Variants in MX1 observed in about 807,000 individuals in gnomAD.
MX1 encodes the protein interferon-induced GTP-binding protein Mx1.
A neutral mutation model predicts 66.4 loss-of-function variants in MX1; 66 were observed. The observed-to-expected ratio is 0.99, with a 90% CI of 0.82 to 1.22. The LOEUF (loss-of-function observed/expected upper bound fraction) is 1.22, where lower values mean the gene tolerates loss of function less well. Among genes scored for constraint, MX1 ranks in the 50% most tolerant of loss-of-function variants. The pLI, the probability that MX1 is intolerant of heterozygous loss-of-function variation, is 0.00. For missense variants in MX1, 787 were observed against 834.3 expected (o/e 0.94, Z 0.70); for synonymous variants, 311 against 318.1 (o/e 0.98, Z 0.24).
intron 7 of MX1, 127 bp downstream of exon 7, chr21:41,437,279 AC>A: frequency 2.1e-6 from 2 of 971,642 alleles, no homozygotes; most frequent in Non-Finnish European, 3.1e-6. Context: ...ACATCAGGCC[AC>A]GGTTCCTTCT....
At chr21:41,430,783 A>G (rs2090189592) in intron 4 of MX1, among the ~76,000 whole-genome samples, 175 bp downstream of exon 4, 1 of 152,210 alleles carries the variant, frequency 6.6e-6, no homozygotes, top group Non-Finnish European at 1.5e-5. Flanking sequence ...AATGCAGACA[A>G]GTATAAGGCA....
rs1403279828 is a variant in MX1 at position 41,458,876 on chromosome 21, A to C, written c.*118A>C. On this transcript the variant is annotated 3_prime_UTR_variant, in exon 17 of 17. Transcript: ENST00000398598. ...CAGACTGGATAGTCCGTCTCTGCTT[A>C]TCCGTTAGCCGTGGTGATTTAGCAG... is the stretch of plus-strand genomic sequence containing the variant. The C allele has an allele frequency of 2.8e-6, 4 of 1,447,598 alleles. No individual in the cohort carries two copies. The highest frequency in any genetic ancestry group is 1.8e-4 in the Middle Eastern group (1 of 5,578). The allele number at this position is 1,447,598 out of a possible 1,614,324, so 89.7% of individuals were successfully genotyped here.
At chr21:41,455,333 T>G (rs1380007781) in intron 16 of MX1, among the ~76,000 whole-genome samples, 1 of 152,192 alleles carries the variant, frequency 6.6e-6, no homozygotes. Context: ...TGCATGCACG[T>G]GAGTGAAGCC....
chr21:41,427,968 C>A (rs570170491), intron 3 of MX1, 102 bp downstream of exon 3: 1 of 152,282 alleles, frequency 6.6e-6, no homozygotes, highest in Non-Finnish European at 1.5e-5. Context: ...TGCAGTGGCG[C>A]CATCTCAGCT....
chr21:41,447,919 G>A (rs2090710419), intron 13 of MX1, among the ~76,000 whole-genome samples: 1 of 152,054 alleles, frequency 6.6e-6, no homozygotes, highest in Non-Finnish European at 1.5e-5. Flanking sequence ...TAGTAGAGAT[G>A]GGGTTTCACC....
In MX1 at chr21:41,452,871, T is replaced by A; in HGVS notation, c.1758+2T>A. On this transcript the variant is annotated splice_donor_variant, in intron 16 of 16. Coordinates refer to ENST00000398598, the MANE Select transcript of MX1 (RefSeq NM_002462.5). LOFTEE classifies it high-confidence loss of function. ...CAGCACCTGATGGCCTATCACCAGG[T>A]ACGTCTTCGCGTGGTTCAGGATGCC... The A allele has an allele frequency of 6.2e-7, 1 of 1,613,926 alleles. No individual in the cohort carries two copies. The highest frequency in any genetic ancestry group is 8.5e-7 in the Non-Finnish European group (1 of 1,179,894).
At position 41,441,031 on chromosome 21, in the gene MX1, A is replaced by T; in HGVS notation, c.730+6A>T. 6.2e-7 allele frequency: 1 copy of T among 1,612,752 alleles called. No homozygotes were observed. The highest frequency in any genetic ancestry group is 1.8e-4 in the Middle Eastern group (1 of 5,452). ...CGAGGGAGACAGGACCATCGGTGAG[A>T]GTGGGGGAGCCCCACTGTGCTCAGT... is the stretch of plus-strand genomic sequence containing the variant. On this transcript the variant is annotated splice_donor_region_variant and intron_variant, in intron 9 of 16. Transcript: ENST00000398598. This position sits in a 1 kb window ranked among gnomAD's most constrained non-coding sequence, Gnocchi z 4.0.
intron 16 of MX1, among the ~76,000 whole-genome samples, chr21:41,456,218 T>C (rs1304133149): frequency 6.6e-6 from 1 of 152,204 alleles, no homozygotes; most frequent in Non-Finnish European, 1.5e-5. Flanking sequence ...CACTCCAGCC[T>C]GGGTGACAGA....
chr21:41,445,762 G>A (rs529804462), intron 12 of MX1, 192 bp downstream of exon 12: 29 of 849,158 alleles, frequency 3.4e-5, no homozygotes, highest in East Asian at 5.3e-5. Flanking sequence ...AGTCAGCAGC[G>A]AGGGATGCTC....
chr21:41,452,415 T>G (rs1054860528), intron 15 of MX1, among the ~76,000 whole-genome samples: 3 of 152,134 alleles, frequency 2.0e-5, no homozygotes, highest in Non-Finnish European at 4.4e-5. Context: ...CATCTGTGGC[T>G]CAAGCCTCCT....
chr21:41,432,250 G>A, intron 5 of MX1, 75 bp downstream of exon 5: 1 of 1,330,720 alleles, frequency 7.5e-7, no homozygotes. Flanking sequence ...TTCTACAGCG[G>A]TGCTACTGCT....
intron 13 of MX1, among the ~76,000 whole-genome samples, chr21:41,448,928 TTTTG>T (rs1432347734): frequency 3.3e-5 from 3 of 90,222 alleles, no homozygotes; most frequent in East Asian, 9.0e-4. Context: ...TCAGATCTGG[TTTTG>T]TGTGTGTGTG....
At chr21:41,448,891 T>C (rs2090740052) in intron 13 of MX1, among the ~76,000 whole-genome samples, 1 of 151,190 alleles carries the variant, frequency 6.6e-6, no homozygotes, top group South Asian at 2.1e-4. Flanking sequence ...GCACTCCCCT[T>C]CCTGAGATGA....
At chr21:41,433,636 T>C (rs1026669278) in intron 5 of MX1, among the ~76,000 whole-genome samples, 2 of 152,088 alleles carry the variant, frequency 1.3e-5, no homozygotes, top group Admixed American at 6.5e-5. Flanking sequence ...GAAAAACATA[T>C]AGGTGGCAAA....
Position 41,435,879 on chromosome 21 carries a change from C to A in MX1, c.148C>A (p.Arg50Ser). The change falls in exon 6 of 17, where the codon CGC (arginine) becomes AGC (serine). Residue 50 changes from arginine to serine, a missense_variant. Physicochemically the swap from Arg to Ser is moderately radical, Grantham distance 110 (BLOSUM62 -1). Transcript: ENST00000398598. ...NLCSQYEEKV[R>S]PCIDLIDSLR... is the part of the protein sequence containing the mutation. ...GTGCAGCCAGTATGAGGAGAAGGTG[C>A]GCCCCTGCATCGACCTCATTGACTC... is the stretch of plus-strand genomic sequence containing the variant. The A allele has an allele frequency of 6.2e-7, 1 of 1,613,540 alleles. No individual in the cohort carries two copies. The highest frequency in any genetic ancestry group is 8.5e-7 in the Non-Finnish European group (1 of 1,179,526).
chr21:41,425,669 C>A (rs984314955), upstream of MX1, among the ~76,000 whole-genome samples: 1 of 152,144 alleles, frequency 6.6e-6, no homozygotes, highest in Admixed American at 6.5e-5. Context: ...CCCGTTTCCA[C>A]CCTGGAGAGG....
upstream of MX1, chr21:41,423,317 G>A (rs1227177197): frequency 2.0e-5 from 3 of 152,222 alleles, no homozygotes; most frequent in Non-Finnish European, 2.9e-5. Context: ...TAACAAACAC[G>A]GACCAGAAGA....
intron 12 of MX1, 172 bp from the exon 13 acceptor site, chr21:41,445,828 G>A: frequency 1.1e-6 from 1 of 887,034 alleles, no homozygotes; most frequent in Admixed American, 2.9e-5. Flanking sequence ...AAGGCAGTAA[G>A]GGGTGGGATA....
At chr21:41,434,469 AG>A (rs1343727966) in intron 5 of MX1, among the ~76,000 whole-genome samples, 3 of 152,194 alleles carry the variant, frequency 2.0e-5, no homozygotes, top group African/African-American at 7.2e-5. Flanking sequence ...ATTAGATTTG[AG>A]AATATCATCT....
Sources: allele counts gnomAD v4.1 joint callset (sites outside exome capture counted in the v4.1 genomes callset), GRCh38; gene constraint gnomAD v4.1.1; non-coding constraint Gnocchi (gnomAD v3.1); transcripts MANE v1.5; gene names NCBI Gene and HGNC (gene_info 2026-07-23, HGNC 2026-07-21).